SLC38A7: variants seen among roughly 807,000 people sequenced by gnomAD.
SLC38A7 encodes solute carrier family 38 member 7.
A neutral mutation model predicts 50.1 loss-of-function variants in SLC38A7; 29 were observed. The observed-to-expected ratio is 0.58, with a 90% confidence interval of 0.43 to 0.79. The LOEUF (loss-of-function observed/expected upper bound fraction) is 0.79. SLC38A7 is among the 30% of genes least tolerant of loss of function. SLC38A7 has a pLI of 0.00. For synonymous variants in SLC38A7, 244 were observed against 245.9 expected, an observed-to-expected ratio of 0.99 and a Z score of 0.07; for missense variants, 483 against 610.6, an observed-to-expected ratio of 0.79 and a Z score of 2.20.
chr16:58,676,099 C>T, intron 7 of SLC38A7, 45 bp from the exon 8 acceptor site: 5 of 1,593,396 alleles, frequency 3.1e-6, no homozygotes, highest in Non-Finnish European at 4.3e-6. Context: ...ATGACCTCAA[C>T]CCCAGTTTCC....
chr16:58,681,653 T>A (rs532974702), intron 2 of SLC38A7: 1 of 152,340 alleles, frequency 6.6e-6, no homozygotes, highest in Admixed American at 6.5e-5. Context: ...CCGCTGCCTA[T>A]CTGTGTGACC....
At chr16:58,677,763 G>A (rs1308575253) in intron 5 of SLC38A7, among the ~76,000 whole-genome samples, 1 of 152,220 alleles carries the variant, frequency 6.6e-6, no homozygotes, top group African/African-American at 2.4e-5. Flanking sequence ...GGCTGTGGGA[G>A]ACCATCCTCT....
chr16:58,678,958 C>T lies in SLC38A7; in HGVS notation c.271-64G>A, dbSNP rs1309025775. 19 of 1,537,010 alleles carry T rather than the reference C, an allele frequency of 1.2e-5. No homozygotes were observed. Among genetic ancestry groups the T allele is most frequent in the East Asian group, 4.6e-5 (2 of 43,886 alleles). ...CTGGCAGCAGAGGGCACCCTGGGCT[C>T]GCCTAGCATTTACTGGGCCAGTGCC... On this transcript the variant is annotated intron_variant, in intron 3 of 11. Coordinates refer to ENST00000219320, the MANE Select transcript of SLC38A7 (RefSeq NM_018231.3). This position sits in a 1 kb window ranked among gnomAD's most constrained non-coding sequence, Gnocchi z 4.0.
Position 58,679,962 on chromosome 16 carries a change from C to T in SLC38A7, c.165G>A (p.Gly55=), listed in dbSNP as rs1323648605. The change falls in exon 3 of 12, where the codon GGG becomes GGA. Residue 55 remains glycine (G), a synonymous_variant. Coordinates refer to ENST00000219320, the MANE Select transcript of SLC38A7 (RefSeq NM_018231.3). ...ACGCGTTGACGACGATGAAGATGGCCCCAAGTGTGGAAGTGGTGCCTCTGT... is the reference window on the plus strand; with the variant it reads ...ACGCGTTGACGACGATGAAGATGGCTCCAAGTGTGGAAGTGGTGCCTCTGT... ...GLDRGTTSTL[G]AIFIVVNACL... 6 of 1,611,964 alleles carry T rather than the reference C, an allele frequency of 3.7e-6. No homozygotes were observed. Among genetic ancestry groups the T allele is most frequent in the Non-Finnish European group, 5.1e-6 (6 of 1,178,772 alleles).
rs1195645284 is a variant in SLC38A7, at chr16:58,665,115, G to T, written c.*2270C>A. 1 of 152,296 alleles carries T rather than the reference G, an allele frequency of 6.6e-6. No individual in the cohort carries two copies. The highest frequency in any genetic ancestry group is 1.5e-5 in the Non-Finnish European group (1 of 68,118). The allele number at this position is 152,296 out of a possible 1,614,324, so 9.4% of individuals were successfully genotyped here. ...CAGACACAGGGGACACGGCTCAGCA[G>T]CACAAATCCCTTTTATTAACCATCT... On this transcript the variant is annotated 3_prime_UTR_variant, in exon 12 of 12. Transcript: ENST00000219320.
At chr16:58,673,830 AT>A (rs1212854298) in intron 8 of SLC38A7, among the ~76,000 whole-genome samples, 87 of 146,206 alleles carry the variant, frequency 6.0e-4, no homozygotes, top group Non-Finnish European at 6.1e-4. Flanking sequence ...TGCCTGGCTA[AT>A]TTTTTTTTTT....
At chr16:58,670,003 T>A in intron 11 of SLC38A7, 110 bp downstream of exon 11, 4 of 908,944 alleles carry the variant, frequency 4.4e-6, no homozygotes, top group Non-Finnish European at 4.9e-6. Flanking sequence ...CAAAAACCCA[T>A]GATTTCTAAG....
intron 10 of SLC38A7, among the ~76,000 whole-genome samples, chr16:58,670,450 C>A (rs1342809681): frequency 6.6e-6 from 1 of 152,204 alleles, no homozygotes; most frequent in Non-Finnish European, 1.5e-5. Flanking sequence ...AGGGGTCTTC[C>A]TAGTACACTT....
intron 10 of SLC38A7, 72 bp from the exon 11 acceptor site, chr16:58,670,239 C>A: frequency 2.0e-6 from 3 of 1,476,174 alleles, no homozygotes; most frequent in Non-Finnish European, 2.8e-6. Flanking sequence ...ACCTCCTTTC[C>A]CAAGAAGCAG....
rs4784964 is a variant in SLC38A7 at position 58,666,899 on chromosome 16, C to T, written c.*486G>A. The T allele has an allele frequency of 0.2, 32,600 of 160,434 alleles. 4,714 individuals are homozygous for T. The highest frequency in any genetic ancestry group is 0.41 in the African/African-American group (17,194 of 41,808). The allele number at this position is 160,434 out of a possible 1,614,324, so 9.9% of individuals were successfully genotyped here. ...CAAGGTCTGAATCTACCTGACTATGCATTTGCATGACTTCAGTGCTACCGT... is the reference window on the plus strand; with the variant it reads ...CAAGGTCTGAATCTACCTGACTATGTATTTGCATGACTTCAGTGCTACCGT... On this transcript the variant is annotated 3_prime_UTR_variant, in exon 12 of 12. Coordinates refer to ENST00000219320, the MANE Select transcript of SLC38A7 (RefSeq NM_018231.3).
At chr16:58,670,442 G>A (rs1297468572) in intron 10 of SLC38A7, among the ~76,000 whole-genome samples, 2 of 152,202 alleles carry the variant, frequency 1.3e-5, no homozygotes, top group Non-Finnish European at 2.9e-5. Flanking sequence ...CCAACCCCAG[G>A]GGTCTTCCTA....
At position 58,665,566 on chromosome 16, in the gene SLC38A7, T is replaced by G. The variant is rs2044019232; in HGVS notation, c.*1819A>C. On this transcript the variant is annotated 3_prime_UTR_variant, in exon 12 of 12. Coordinates refer to ENST00000219320, the MANE Select transcript of SLC38A7 (RefSeq NM_018231.3). ...GCTTCTTAGATCGGACTGCCCTGAG[T>G]GGCGGGCGGCTCGGCAGGGGGTCCC... The G allele has an allele frequency of 6.6e-6, 1 of 152,464 alleles. No individual in the cohort carries two copies. Among genetic ancestry groups the G allele is most frequent in the Non-Finnish European group, 1.5e-5 (1 of 68,354 alleles). The allele number at this position is 152,464 out of a possible 1,614,324, so 9.4% of individuals were successfully genotyped here.
At position 58,672,247 on chromosome 16, in the gene SLC38A7, TG is replaced by T; in HGVS notation, c.884-5del. 1 of 1,578,738 alleles carries T rather than the reference TG, an allele frequency of 6.3e-7. No individual in the cohort carries two copies. Among genetic ancestry groups the T allele is most frequent in the Admixed American group, 1.8e-5 (1 of 54,548 alleles). On this transcript the variant is annotated splice_region_variant and splice_polypyrimidine_tract_variant and intron_variant, in intron 8 of 11. Transcript: ENST00000219320. ...AAGGTCAGGAAGCCACAGATGCCTGTGGGCAGGGACAACTGGGTCAGGGCAA... is the reference window on the plus strand; with the variant it reads ...AAGGTCAGGAAGCCACAGATGCCTGTGGCAGGGACAACTGGGTCAGGGCAA...
intron 11 of SLC38A7, among the ~76,000 whole-genome samples, chr16:58,669,140 A>T (rs1597662854): frequency 2.4e-5 from 2 of 81,910 alleles, no homozygotes. Flanking sequence ...TTTGAGACAG[A>T]GTTTCCCTCT....
chr16:58,680,350 T>G, intron 2 of SLC38A7, 109 bp from the exon 3 acceptor site: 1 of 447,968 alleles, frequency 2.2e-6, no homozygotes, highest in East Asian at 3.4e-5. Flanking sequence ...CAAACCCAGG[T>G]ATGCCTCTGT....
chr16:58,671,222 GCCACAGGCCTT>G lies in SLC38A7; in HGVS notation c.1043_1053del (p.Glu348AlafsTer39). On this transcript the variant is annotated frameshift_variant, in exon 10 of 12. Transcript: ENST00000219320. LOFTEE classifies it high-confidence loss of function. ...TCCACTGGCACCCCCTGGTAGCGCA[GCCACAGGCCTT>G]CCACCACCGCCCTGCCCACATGGAG... 1 of 1,613,826 alleles carries G rather than the reference GCCACAGGCCTT, an allele frequency of 6.2e-7. No individual in the cohort carries two copies. Among genetic ancestry groups the G allele is most frequent in the Non-Finnish European group, 8.5e-7 (1 of 1,179,836 alleles).
chr16:58,667,833 T>G (rs1473835369), intron 11 of SLC38A7, among the ~76,000 whole-genome samples: 1 of 152,174 alleles, frequency 6.6e-6, no homozygotes, highest in Non-Finnish European at 1.5e-5. Context: ...TGCAAATGTA[T>G]GTACCAATTA....
At chr16:58,671,774 T>TC in intron 9 of SLC38A7, 1 of 226,716 alleles carries the variant, frequency 4.4e-6, no homozygotes, top group South Asian at 1.1e-4. Flanking sequence ...CTCACTAGGT[T>TC]GCCCAGGTGG....
chr16:58,675,832 T>G (rs1026962806), intron 8 of SLC38A7, 108 bp downstream of exon 8: 3 of 823,858 alleles, frequency 3.6e-6, no homozygotes, highest in African/African-American at 3.4e-5. Flanking sequence ...ATACAAGTCA[T>G]GCTGGGAATG....
Sources: allele counts gnomAD v4.1 joint callset (sites outside exome capture counted in the v4.1 genomes callset), GRCh38; gene constraint gnomAD v4.1.1; non-coding constraint Gnocchi (gnomAD v3.1); transcripts MANE v1.5; gene names NCBI Gene and HGNC (gene_info 2026-07-23, HGNC 2026-07-21).